Variants in RIMBP2 observed in about 807,000 individuals in gnomAD.
RIMBP2 encodes RIMS binding protein 2.
Under a neutral mutation model 118.6 loss-of-function variants are expected in RIMBP2, and 48 were observed. The observed-to-expected ratio is 0.40, with a 90% CI of 0.32 to 0.51. The LOEUF is 0.51. Ranked by LOEUF, RIMBP2 falls within the 20% of genes least tolerant of loss-of-function variation. RIMBP2 has a pLI of 0.41. For missense variants in RIMBP2, 1,551 were observed against 1,768.3 expected, an observed-to-expected ratio of 0.88 and a Z score of 2.20; for synonymous variants, 762 against 742.9, an observed-to-expected ratio of 1.03 and a Z score of -0.42.
At chr12:130,645,093 CTT>C (rs61370338) in intron 1 of RIMBP2, among the ~76,000 whole-genome samples, 4,989 of 143,586 alleles carry the variant, frequency 0.035, 274 homozygotes, top group African/African-American at 0.12. Context: ...CAAATCAGAA[CTT>C]TTTTTTTTTT....
At chr12:130,662,127 T>G (rs113532511) in intron 1 of RIMBP2, among the ~76,000 whole-genome samples, 86 of 135,040 alleles carry the variant, frequency 6.4e-4, no homozygotes, top group African/African-American at 2.2e-3. Flanking sequence ...GTGCATTCAT[T>G]CCCGCTCATC....
intron 2 of RIMBP2, among the ~76,000 whole-genome samples, chr12:130,536,600 C>T (rs796483888): frequency 2.0e-5 from 3 of 152,320 alleles, no homozygotes; most frequent in African/African-American, 7.2e-5. Context: ...TATTCCCCAA[C>T]CAACTGGACC....
At chr12:130,628,563 G>A (rs191527182) in intron 1 of RIMBP2, 107 bp from the exon 2 acceptor site, 27 of 152,308 alleles carry the variant, frequency 1.8e-4, no homozygotes, top group African/African-American at 6.0e-4. Flanking sequence ...GGAGAAGCAG[G>A]AATTCTGCTA....
intron 1 of RIMBP2, among the ~76,000 whole-genome samples, chr12:130,690,919 G>A (rs1194136377): frequency 6.6e-6 from 1 of 152,138 alleles, no homozygotes; most frequent in Non-Finnish European, 1.5e-5. Context: ...CCAGCCCACA[G>A]GGAAGCCTGG....
chr12:130,433,217 AT>A (rs2077265862), intron 14 of RIMBP2, among the ~76,000 whole-genome samples: 1 of 152,214 alleles, frequency 6.6e-6, no homozygotes, highest in South Asian at 2.1e-4. Flanking sequence ...GCTTAAGCCC[AT>A]TTTAGCTTAG....
chr12:130,553,455 CTT>C (rs2056031432), intron 2 of RIMBP2, among the ~76,000 whole-genome samples: 1 of 152,106 alleles, frequency 6.6e-6, no homozygotes, highest in African/African-American at 2.4e-5. Context: ...ATATATCAAT[CTT>C]AATATATAGA....
intron 21 of RIMBP2, 146 bp from the exon 22 acceptor site, chr12:130,399,959 T>C: frequency 2.2e-6 from 2 of 908,552 alleles, no homozygotes; most frequent in East Asian, 2.6e-5. Flanking sequence ...GGACTCTAAA[T>C]CAGGGTTTCC....
rs1330836173 is a variant in RIMBP2 at position 130,623,857 on chromosome 12, A to C, written c.-217+4465T>G. On this transcript the variant is annotated intron_variant, in intron 2 of 22. Transcript: ENST00000690449. This position sits in a 1 kb window ranked among gnomAD's most constrained non-coding sequence, Gnocchi z 4.1. ...TCAAGCAGATAATCCCACGGTGTAC[A>C]CCACAGTCTCCCAGAGGTTCCACAG... Among the ~76,000 whole-genome samples, 1 of 152,168 alleles carries C rather than the reference A, an allele frequency of 6.6e-6. No homozygotes were observed. The highest frequency in any genetic ancestry group is 2.4e-5 in the African/African-American group (1 of 41,446).
chr12:130,485,945 G>T (rs1009783040), intron 4 of RIMBP2, among the ~76,000 whole-genome samples: 5 of 152,320 alleles, frequency 3.3e-5, no homozygotes, highest in Admixed American at 3.3e-4. Flanking sequence ...AGAAGCACTC[G>T]GCCCTCGAAG....
At chr12:130,406,993 A>G (rs1013840258) in intron 20 of RIMBP2, among the ~76,000 whole-genome samples, 7 of 152,312 alleles carry the variant, frequency 4.6e-5, no homozygotes, top group Non-Finnish European at 7.4e-5. Flanking sequence ...GCCCCAAAGC[A>G]GGCGGTGTCA....
intron 6 of RIMBP2, among the ~76,000 whole-genome samples, chr12:130,459,896 G>A (rs762889950): frequency 7.9e-5 from 12 of 152,176 alleles, no homozygotes; most frequent in Admixed American, 2.0e-4. Flanking sequence ...CCATAGTGGC[G>A]CTTCCCAAGG....
chr12:130,694,317 A>G (rs555124749), intron 1 of RIMBP2, among the ~76,000 whole-genome samples: 1 of 152,346 alleles, frequency 6.6e-6, no homozygotes, highest in South Asian at 2.1e-4. Flanking sequence ...TCATTCAGTC[A>G]GTCACCAGTA....
rs1035681090 is a variant in RIMBP2 at position 130,620,726 on chromosome 12, G to T, written c.-217+7596C>A. Among the ~76,000 whole-genome samples, 1 of 152,208 alleles carries T rather than the reference G, an allele frequency of 6.6e-6. No homozygotes were observed. Among genetic ancestry groups the T allele is most frequent in the Non-Finnish European group, 1.5e-5 (1 of 68,028 alleles). Reference sequence around the variant, plus strand: ...AATCCCCCTCTCTGTAAGGACACCAGTCATAGTAGATTAAGGCCTAATCTA... The same window carrying T: ...AATCCCCCTCTCTGTAAGGACACCATTCATAGTAGATTAAGGCCTAATCTA... On this transcript the variant is annotated intron_variant, in intron 2 of 22. Coordinates refer to ENST00000690449, the MANE Select transcript of RIMBP2 (RefSeq NM_001393629.1). The surrounding 1 kb of genome is among the most constrained non-coding windows in gnomAD (Gnocchi z 5.3).
At position 130,595,325 on chromosome 12, in the gene RIMBP2, G is replaced by A. The variant is rs1045445078; in HGVS notation, c.-217+32997C>T. Among the ~76,000 whole-genome samples the A allele has an allele frequency of 4.6e-5, 7 of 151,952 alleles. 1 individual carries two copies. The highest frequency in any genetic ancestry group is 1.3e-4 in the Admixed American group (2 of 15,250). On this transcript the variant is annotated intron_variant, in intron 2 of 22. Transcript: ENST00000690449. ...TGTAATCCCAGCACTTTGGGAGGCC[G>A]AGATGGGCGGACTATGAGGTCAAGA...
chr12:130,706,507 C>T (rs543049169), intron 1 of RIMBP2, among the ~76,000 whole-genome samples: 1 of 152,344 alleles, frequency 6.6e-6, no homozygotes, highest in African/African-American at 2.4e-5. Context: ...CCGAGGGACA[C>T]GTTCACGGAG....
intron 2 of RIMBP2, among the ~76,000 whole-genome samples, chr12:130,521,498 AC>A (rs1461794467): frequency 6.6e-6 from 1 of 152,234 alleles, no homozygotes; most frequent in Non-Finnish European, 1.5e-5. Flanking sequence ...AGGGGGAGGC[AC>A]CAGCACGTCA....
intron 5 of RIMBP2, among the ~76,000 whole-genome samples, chr12:130,474,460 T>C (rs373869357): frequency 6.6e-6 from 1 of 152,198 alleles, no homozygotes; most frequent in South Asian, 2.1e-4. Flanking sequence ...GGCGATGTCC[T>C]ACGAGTCCGA....
intron 21 of RIMBP2, among the ~76,000 whole-genome samples, chr12:130,405,782 G>GTTTTA (rs386378260): frequency 9.1e-4 from 139 of 151,916 alleles, no homozygotes; most frequent in Non-Finnish European, 1.1e-3. Flanking sequence ...GTTTTGTTTT[G>GTTTTA]TTTTTGCTTA....
chr12:130,449,454 A>T (rs907589030), intron 9 of RIMBP2, among the ~76,000 whole-genome samples: 7 of 152,140 alleles, frequency 4.6e-5, no homozygotes, highest in Non-Finnish European at 8.8e-5. Context: ...CGGGAAGCCC[A>T]CTCAGCGGCT....
Sources: gnomAD v4.1 joint callset for allele counts (sites outside exome capture counted in the v4.1 genomes callset) on GRCh38, gnomAD v4.1.1 for gene constraint, Gnocchi (gnomAD v3.1) non-coding constraint, MANE v1.5 for transcripts, NCBI Gene and HGNC (gene_info 2026-07-23, HGNC 2026-07-21) for gene names.